Variants in ZNRF2 observed in about 807,000 individuals in gnomAD.
ZNRF2 encodes E3 ubiquitin-protein ligase ZNRF2.
In ZNRF2, 16 loss-of-function variants were observed where a neutral mutation model predicts 20.4. The ratio of observed to expected loss-of-function variants is 0.79; its 90% confidence interval spans 0.53 to 1.19. ZNRF2 has a LOEUF of 1.19. Among genes scored for constraint, ZNRF2 ranks in the 50% most tolerant of loss-of-function variants. ZNRF2 has a pLI of 0.00. For synonymous variants in ZNRF2, 178 were observed against 144.9 expected, an observed-to-expected ratio of 1.23 and a Z score of -1.64; for missense variants, 363 against 332.4, an observed-to-expected ratio of 1.09 and a Z score of -0.72.
intron 2 of ZNRF2, among the ~76,000 whole-genome samples, chr7:30,343,663 T>G (rs554087470): frequency 1.0e-3 from 154 of 151,736 alleles, no homozygotes; most frequent in African/African-American, 3.4e-3. Flanking sequence ...ATTCTTTCTT[T>G]TAGTTTGTAT....
At chr7:30,315,737 G>T (rs1289777600) in intron 1 of ZNRF2, among the ~76,000 whole-genome samples, 8 of 93,272 alleles carry the variant, frequency 8.6e-5, no homozygotes, top group Admixed American at 8.3e-4. Flanking sequence ...CGGGGGGGGG[G>T]GGGTTGGGTA....
chr7:30,335,523 C>T (rs923697178), intron 2 of ZNRF2, among the ~76,000 whole-genome samples: 3 of 151,930 alleles, frequency 2.0e-5, no homozygotes, highest in South Asian at 4.2e-4. Flanking sequence ...CACATCTGTC[C>T]GCAGTTTTAC....
intron 3 of ZNRF2, among the ~76,000 whole-genome samples, chr7:30,359,654 A>T (rs1451245028): frequency 6.6e-6 from 1 of 152,176 alleles, no homozygotes; most frequent in Non-Finnish European, 1.5e-5. Flanking sequence ...GTGGAGTCCT[A>T]ATATTTCACA....
At chr7:30,326,646 A>G (rs1799557035) in intron 2 of ZNRF2, among the ~76,000 whole-genome samples, 1 of 152,200 alleles carries the variant, frequency 6.6e-6, no homozygotes. Flanking sequence ...CTTTAGGTGT[A>G]TACCCAGTAG....
At chr7:30,321,793 A>G (rs544039686) in intron 1 of ZNRF2, among the ~76,000 whole-genome samples, 1 of 152,282 alleles carries the variant, frequency 6.6e-6, no homozygotes, top group Admixed American at 6.5e-5. Context: ...ATCTGGTTGC[A>G]GTTTTAGGAT....
chr7:30,289,768 C>T (rs1401951723), intron 1 of ZNRF2: 1 of 534,222 alleles, frequency 1.9e-6, no homozygotes, highest in Non-Finnish European at 3.8e-6. Context: ...GATCTGAGAG[C>T]AGCGTGACCT....
chr7:30,321,217 G>C (rs151187529), intron 1 of ZNRF2, among the ~76,000 whole-genome samples: 128 of 152,078 alleles, frequency 8.4e-4, no homozygotes, highest in Non-Finnish European at 1.6e-3. Context: ...TGGGGACCTC[G>C]GGATCTGTTT....
In ZNRF2 at chr7:30,285,270, T is replaced by G; in HGVS notation, c.-88T>G. On this transcript the variant is annotated 5_prime_UTR_variant, in exon 1 of 5. Transcript: ENST00000323037. ...GCCTCTCTGGGCCGGCCGCGGCGCC[T>G]GGGCCCTGCCCTCTAGCTCCCGCGC... is the stretch of plus-strand genomic sequence containing the variant. 1 of 959,550 alleles carries G rather than the reference T, an allele frequency of 1.0e-6. No individual in the cohort carries two copies. The highest frequency in any genetic ancestry group is 1.3e-6 in the Non-Finnish European group (1 of 792,692). 59.4% of individuals were successfully genotyped at this position (959,550 alleles called of 1,614,324 possible).
At position 30,285,741 on chromosome 7, in the gene ZNRF2, G is replaced by C; in HGVS notation, c.384G>C (p.Arg128=). The C allele has an allele frequency of 6.8e-7, 1 of 1,477,156 alleles. No individual in the cohort carries two copies. Among genetic ancestry groups the C allele is most frequent in the Non-Finnish European group, 8.9e-7 (1 of 1,120,242 alleles). 91.5% of individuals were successfully genotyped at this position (1,477,156 alleles called of 1,614,324 possible). Residue 128 remains arginine, a synonymous_variant, in exon 1 of 5, where the codon CGG becomes CGC. Coordinates refer to ENST00000323037, the MANE Select transcript of ZNRF2 (RefSeq NM_147128.4). ...HSSPEDGGGG[R]DRPVGGSPGG... ...GCCCTGAGGACGGCGGCGGCGGCCG[G>C]GACCGGCCGGTGGGCGGGAGCCCCG...
chr7:30,349,004 G>A (rs935019247), intron 2 of ZNRF2, among the ~76,000 whole-genome samples: 5 of 152,146 alleles, frequency 3.3e-5, no homozygotes, highest in African/African-American at 1.2e-4. Context: ...ATTTATAAAT[G>A]TAATGATAGT....
chr7:30,330,232 G>A (rs1323493041), intron 2 of ZNRF2, among the ~76,000 whole-genome samples: 1 of 152,146 alleles, frequency 6.6e-6, no homozygotes, highest in Non-Finnish European at 1.5e-5. Flanking sequence ...GGTACAACTT[G>A]AAATAAAGTT....
chr7:30,341,380 A>C (rs1261536904), intron 2 of ZNRF2, among the ~76,000 whole-genome samples: 1 of 152,142 alleles, frequency 6.6e-6, no homozygotes, highest in Non-Finnish European at 1.5e-5. Context: ...TTTTAGTGCT[A>C]TAAATTTCCC....
chr7:30,314,944 G>A (rs1799346535), intron 1 of ZNRF2, among the ~76,000 whole-genome samples: 1 of 151,910 alleles, frequency 6.6e-6, no homozygotes, highest in South Asian at 2.1e-4. Context: ...AGCCTCCTGA[G>A]TAGCTGGGAC....
intron 1 of ZNRF2, 143 bp from the exon 2 acceptor site, chr7:30,323,499 C>G: frequency 2.1e-6 from 1 of 474,188 alleles, no homozygotes; most frequent in East Asian, 3.5e-5. Context: ...ACAAAATTTT[C>G]CTGACTTGAG....
At chr7:30,291,429 TAAG>T (rs1025521084) in intron 1 of ZNRF2, among the ~76,000 whole-genome samples, 24 of 152,154 alleles carry the variant, frequency 1.6e-4, no homozygotes, top group African/African-American at 5.1e-4. Flanking sequence ...ATTCAGTTCT[TAAG>T]GAGGAGAGTG....
chr7:30,359,018 A>G (rs1210640006), intron 3 of ZNRF2, among the ~76,000 whole-genome samples: 1 of 152,198 alleles, frequency 6.6e-6, no homozygotes, highest in East Asian at 1.9e-4. Context: ...CCAGAGACGA[A>G]ATTACAGTAT....
At chr7:30,352,092 T>C (rs1037542524) in intron 2 of ZNRF2, among the ~76,000 whole-genome samples, 3 of 152,188 alleles carry the variant, frequency 2.0e-5, no homozygotes, top group South Asian at 4.1e-4. Flanking sequence ...TTATAACTTA[T>C]AAAGTTTTTT....
chr7:30,347,622 A>AGAATC (rs1354006536), intron 2 of ZNRF2, among the ~76,000 whole-genome samples: 1 of 152,196 alleles, frequency 6.6e-6, no homozygotes, highest in Non-Finnish European at 1.5e-5. Context: ...CTGAGGCAGG[A>AGAATC]GAATCGCTTG....
intron 2 of ZNRF2, among the ~76,000 whole-genome samples, chr7:30,344,660 A>G (rs912945748): frequency 2.0e-5 from 3 of 152,138 alleles, no homozygotes; most frequent in Admixed American, 6.5e-5. Flanking sequence ...TAATCTTACC[A>G]TTACGTAGAT....
Sources: allele counts gnomAD v4.1 joint callset (sites outside exome capture counted in the v4.1 genomes callset), GRCh38; gene constraint gnomAD v4.1.1; transcripts MANE v1.5; gene names NCBI Gene and HGNC (gene_info 2026-07-23, HGNC 2026-07-21).